BMERB1: variants seen among roughly 807,000 people sequenced by gnomAD.
BMERB1 encodes bMERB domain-containing protein 1.
Under a neutral mutation model 23.6 loss-of-function variants are expected in BMERB1, and 12 were observed. The ratio of observed to expected loss-of-function variants is 0.51; its 90% CI spans 0.33 to 0.82. The LOEUF (loss-of-function observed/expected upper bound fraction) is 0.82. Among genes scored for constraint, BMERB1 ranks in the 40% least tolerant of loss-of-function variants. The pLI is 0.03. For synonymous variants in BMERB1, 122 were observed against 96.6 expected (o/e 1.26, Z -1.54); for missense variants, 247 against 255.4 (o/e 0.97, Z 0.22).
At position 15,524,967 on chromosome 16, in the gene BMERB1, C is replaced by G. The variant is rs570249552; in HGVS notation, c.230+9539C>G. ...TCCATTGGGTTGGGAGGGAGATTAC[C>G]ATGTAAGACCCTGGTGATTATCAAT... On this transcript the variant is annotated intron_variant, in intron 2 of 5. Transcript: ENST00000300006. Among the ~76,000 whole-genome samples the G allele has an allele frequency of 7.9e-5, 12 of 152,222 alleles. No homozygotes were observed. In the South Asian group the frequency reaches 2.5e-3, roughly 32 times the overall value.
At chr16:15,490,205 C>G (rs558764562) in intron 1 of BMERB1, among the ~76,000 whole-genome samples, 2 of 152,102 alleles carry the variant, frequency 1.3e-5, no homozygotes, top group East Asian at 3.9e-4. Flanking sequence ...TTTGCCAAAC[C>G]AGGACTTCAG....
At chr16:15,435,517 C>G (rs1381185062) in intron 1 of BMERB1, among the ~76,000 whole-genome samples, 1 of 152,090 alleles carries the variant, frequency 6.6e-6, no homozygotes. Context: ...GTAGAGGCAG[C>G]GTCAGGGGCT....
intron 1 of BMERB1, among the ~76,000 whole-genome samples, chr16:15,436,903 T>TA (rs1000403412): frequency 4.0e-5 from 6 of 151,806 alleles, no homozygotes; most frequent in Admixed American, 6.6e-5. Flanking sequence ...TGCCTAGATT[T>TA]AAAAAAACAT....
At chr16:15,455,323 CAAAA>C (rs34467613) in intron 1 of BMERB1, among the ~76,000 whole-genome samples, 3 of 122,754 alleles carry the variant, frequency 2.4e-5, no homozygotes, top group African/African-American at 8.8e-5. Context: ...GACTCTGTCT[CAAAA>C]AAAAAAAAAA....
chr16:15,447,411 G>T (rs2050999548), intron 1 of BMERB1, among the ~76,000 whole-genome samples: 1 of 152,062 alleles, frequency 6.6e-6, no homozygotes, highest in Non-Finnish European at 1.5e-5. Context: ...GGGGGAAACC[G>T]CCCCCATGAT....
intron 3 of BMERB1, among the ~76,000 whole-genome samples, chr16:15,568,727 A>G (rs189939800): frequency 1.3e-5 from 2 of 152,348 alleles, no homozygotes; most frequent in African/African-American, 4.8e-5. Flanking sequence ...TGGCCTCAAG[A>G]GTCCAGTAAA....
intron 1 of BMERB1, among the ~76,000 whole-genome samples, chr16:15,474,218 T>G (rs2051257000): frequency 6.6e-6 from 1 of 152,038 alleles, no homozygotes; most frequent in Admixed American, 6.6e-5. Flanking sequence ...TATGGATTTC[T>G]TTAGTTTTAT....
chr16:15,482,533 C>G (rs189228703), intron 1 of BMERB1, among the ~76,000 whole-genome samples: 3 of 152,028 alleles, frequency 2.0e-5, no homozygotes, highest in Admixed American at 2.0e-4. Context: ...GAGGCAGCAG[C>G]TGGTTACTTT....
In BMERB1 at chr16:15,465,050, G is replaced by A. The variant is rs2051169215; in HGVS notation, c.106+30291G>A. 2.6e-5 allele frequency among the ~76,000 whole-genome samples: 4 copies of A among 152,146 alleles called. No individual in the cohort carries two copies. The South Asian group carries it at 8.3e-4, about 31-fold the overall frequency. On this transcript the variant is annotated intron_variant, in intron 1 of 5. Coordinates refer to ENST00000300006, the MANE Select transcript of BMERB1 (RefSeq NM_033201.3). The stretch of plus-strand genomic sequence containing the variant: ...AAGATCTGTGTGATGGAACAGTTGC[G>A]TGTCTTGATTGGGGTGGTTGGTTAC...
intron 2 of BMERB1, among the ~76,000 whole-genome samples, chr16:15,535,613 G>A (rs555008429): frequency 2.1e-5 from 3 of 144,088 alleles, no homozygotes; most frequent in South Asian, 4.3e-4. Context: ...TCGTGCCACA[G>A]TACTCCAGCC....
chr16:15,480,357 G>A (rs749867582), intron 1 of BMERB1, among the ~76,000 whole-genome samples: 4 of 151,814 alleles, frequency 2.6e-5, no homozygotes, highest in African/African-American at 7.3e-5. Flanking sequence ...CTCGTGATCC[G>A]CCCGTCTAGG....
At chr16:15,521,603 C>CT (rs1555510936) in intron 2 of BMERB1, among the ~76,000 whole-genome samples, 4 of 152,138 alleles carry the variant, frequency 2.6e-5, no homozygotes, top group African/African-American at 7.2e-5. Context: ...GGTGTGAACT[C>CT]TGAGTGTGCT....
At chr16:15,455,059 C>T (rs73503558) in intron 1 of BMERB1, among the ~76,000 whole-genome samples, 4,397 of 151,738 alleles carry the variant, frequency 0.029, 199 homozygotes, top group South Asian at 0.11. Context: ...TCTGAGGGCG[C>T]GCGTGGTGGC....
At chr16:15,461,250 C>G (rs2051132289) in intron 1 of BMERB1, among the ~76,000 whole-genome samples, 1 of 151,992 alleles carries the variant, frequency 6.6e-6, no homozygotes, top group Admixed American at 6.6e-5. Flanking sequence ...CAAAATCACT[C>G]CTGGCAGGAG....
intron 2 of BMERB1, among the ~76,000 whole-genome samples, chr16:15,522,217 C>A (rs1352696324): frequency 2.0e-5 from 3 of 152,186 alleles, no homozygotes; most frequent in Admixed American, 6.6e-5. Flanking sequence ...AGGTTTTAAT[C>A]AGCCAGAGAC....
At chr16:15,526,277 A>G (rs1360396375) in intron 2 of BMERB1, among the ~76,000 whole-genome samples, 3 of 152,224 alleles carry the variant, frequency 2.0e-5, no homozygotes, top group African/African-American at 7.2e-5. Flanking sequence ...ACAGAATACT[A>G]TACAGCAGTG....
At chr16:15,439,760 C>T (rs2050923129) in intron 1 of BMERB1, among the ~76,000 whole-genome samples, 1 of 152,088 alleles carries the variant, frequency 6.6e-6, no homozygotes, top group Admixed American at 6.6e-5. Context: ...TGCTTTCAAC[C>T]AAGTGTAATT....
At chr16:15,547,013 CTTT>C (rs34983068) in intron 2 of BMERB1, among the ~76,000 whole-genome samples, 3 of 130,166 alleles carry the variant, frequency 2.3e-5, no homozygotes, top group African/African-American at 3.2e-5. Flanking sequence ...GCTCTTTTAG[CTTT>C]TTTTTTTTTT....
rs190594005 is a variant in BMERB1 at position 15,563,440 on chromosome 16, C to T, written c.231-4543C>T. Among the ~76,000 whole-genome samples, 448 of 152,048 alleles carry T rather than the reference C, an allele frequency of 2.9e-3. 2 individuals are homozygous for T. The highest frequency in any genetic ancestry group is 0.01 in the African/African-American group (434 of 41,492). On this transcript the variant is annotated intron_variant, in intron 2 of 5. Transcript: ENST00000300006. ...TTCACCATGTTAGACAGGATGGTCT[C>T]GATCTCCTGACCTCGTGATCTGCCC...
Sources: allele counts gnomAD v4.1 joint callset (sites outside exome capture counted in the v4.1 genomes callset), GRCh38; gene constraint gnomAD v4.1.1; transcripts MANE v1.5; gene names NCBI Gene and HGNC (gene_info 2026-07-23, HGNC 2026-07-21).